The following TENT5D variants were observed in gnomAD, a reference collection of about 807,000 sequenced individuals.
The protein encoded by TENT5D is cancer/testis antigen 112.
For synonymous variants in TENT5D, 103 were observed against 100.6 expected (o/e 1.02, Z -0.15); for missense variants, 191 against 287.0 (o/e 0.67, Z 2.42).
chrX:80,393,229 CCAT>C (rs1931171291), intron 3 of TENT5D, among the ~76,000 whole-genome samples: 1 of 110,390 alleles, frequency 9.1e-6, no homozygotes, highest in Non-Finnish European at 1.9e-5. Context: ...AAATTATTGT[CCAT>C]CATCTCTCCA....
At chrX:80,438,844 G>A (rs1467353524) in intron 2 of TENT5D, 112 bp downstream of exon 2, 1 of 111,037 alleles carries the variant, frequency 9.0e-6, no homozygotes, top group Non-Finnish European at 1.9e-5. Context: ...GGAACATAGA[G>A]TTGTAATAGG....
intron 3 of TENT5D, among the ~76,000 whole-genome samples, chrX:80,398,899 C>A (rs372774589): frequency 9.0e-6 from 1 of 111,342 alleles, no homozygotes; most frequent in East Asian, 2.8e-4. Context: ...CCAAAGAAAA[C>A]CTGACCAAAA....
At chrX:80,393,106 C>G (rs1931168466) in intron 3 of TENT5D, among the ~76,000 whole-genome samples, 1 of 109,360 alleles carries the variant, frequency 9.1e-6, no homozygotes, top group Non-Finnish European at 1.9e-5. Flanking sequence ...TATTTGACAA[C>G]CAACTTGTTG....
In TENT5D at chrX:80,373,575, T is replaced by C. The variant is rs747477616; in HGVS notation, c.-142+31011T>C. Among the ~76,000 whole-genome samples, 3 of 111,420 alleles carry C rather than the reference T, an allele frequency of 2.7e-5. No homozygotes were observed. The East Asian group carries it at 8.5e-4, about 31-fold the overall frequency. ...TGGAGTGAACTCTGGAGAATCTTCT[T>C]ATAATAGATAAGGAAAATGAGGCAC... is the stretch of plus-strand genomic sequence containing the variant. On this transcript the variant is annotated intron_variant, in intron 3 of 4. Transcript: ENST00000538312.
chrX:80,405,054 A>G lies in TENT5D; in HGVS notation c.-141-33556A>G, dbSNP rs182974229. Among the ~76,000 whole-genome samples, 859 of 112,036 alleles carry G rather than the reference A, an allele frequency of 7.7e-3. 8 individuals carry two copies. The highest frequency in any genetic ancestry group is 0.026 in the African/African-American group (789 of 30,860). On this transcript the variant is annotated intron_variant, in intron 3 of 4. Coordinates refer to the TENT5D transcript ENST00000538312. The stretch of plus-strand genomic sequence containing the variant: ...CATTTTTAGCATCAGGCCACAAGAA[A>G]CAGAACCCGAGGGGAAAAAATTATA...
intron 3 of TENT5D, among the ~76,000 whole-genome samples, chrX:80,379,472 T>G (rs1168950782): frequency 9.0e-6 from 1 of 111,443 alleles, no homozygotes; most frequent in African/African-American, 3.3e-5. Context: ...TAAAATGAGT[T>G]AGGGAGGATT....
intron 3 of TENT5D, among the ~76,000 whole-genome samples, chrX:80,399,067 T>C (rs1470559498): frequency 8.9e-6 from 1 of 112,032 alleles, no homozygotes; most frequent in African/African-American, 3.2e-5. Flanking sequence ...AGGATGTCTC[T>C]TCATTTTGTT....
chrX:80,353,641 G>A (rs1930229200), intron 3 of TENT5D, among the ~76,000 whole-genome samples: 1 of 112,246 alleles, frequency 8.9e-6, no homozygotes, highest in African/African-American at 3.2e-5. Flanking sequence ...AGTATTCCAT[G>A]GTGTGTGTGT....
Position 80,379,878 on chromosome X carries a change from A to C in TENT5D, c.-142+37314A>C, listed in dbSNP as rs886426344. Among the ~76,000 whole-genome samples the C allele has an allele frequency of 3.9e-4, 42 of 108,954 alleles. 1 individual carries two copies. The highest frequency in any genetic ancestry group is 7.6e-5 in the Non-Finnish European group (4 of 52,576). The allele number at this position is 108,954 out of a possible 115,157, so 94.6% of individuals were successfully genotyped here. On this transcript the variant is annotated intron_variant, in intron 3 of 4. Transcript: ENST00000538312. ...TCTTTATTATTCTTGCTAGTGGCCTATACATTTTGTTGATCTTTTCAAAAA... is the reference window on the plus strand; with the variant it reads ...TCTTTATTATTCTTGCTAGTGGCCTCTACATTTTGTTGATCTTTTCAAAAA...
intron 3 of TENT5D, among the ~76,000 whole-genome samples, chrX:80,401,143 A>C (rs1199143965): frequency 9.0e-6 from 1 of 111,470 alleles, no homozygotes; most frequent in Non-Finnish European, 1.9e-5. Flanking sequence ...TGTTTGGTTA[A>C]ATTTATTTTA....
chrX:80,444,042 T>A, exon 3 of TENT5D: 1 of 181,086 alleles, frequency 5.5e-6, no homozygotes, highest in East Asian at 1.2e-4. Flanking sequence ...TAGAGATGCC[T>A]GCATCTTTGA....
chrX:80,426,601 A>G (rs187522211), intron 1 of TENT5D, among the ~76,000 whole-genome samples: 1 of 111,995 alleles, frequency 8.9e-6, no homozygotes, highest in Non-Finnish European at 1.9e-5. Context: ...AATTTAGTTA[A>G]CATGTATATA....
chrX:80,355,669 T>C (rs760562576), intron 3 of TENT5D, among the ~76,000 whole-genome samples: 1 of 111,889 alleles, frequency 8.9e-6, no homozygotes, highest in African/African-American at 3.2e-5. Flanking sequence ...CACTTACCTC[T>C]TTTCTAGAGC....
chrX:80,431,912 C>T (rs934351703), intron 1 of TENT5D, among the ~76,000 whole-genome samples: 1 of 111,349 alleles, frequency 9.0e-6, no homozygotes, highest in Admixed American at 9.6e-5. Flanking sequence ...GGGATAGTTG[C>T]TTGGGGAGAA....
chrX:80,394,127 T>C (rs1931191349), intron 3 of TENT5D, among the ~76,000 whole-genome samples: 1 of 111,510 alleles, frequency 9.0e-6, no homozygotes, highest in South Asian at 3.7e-4. Flanking sequence ...TTGAGGAACC[T>C]CAATACTGTT....
chrX:80,437,175 A>G (rs1239053076), intron 1 of TENT5D, among the ~76,000 whole-genome samples: 4 of 112,303 alleles, frequency 3.6e-5, no homozygotes, highest in Admixed American at 1.9e-4. Flanking sequence ...TAGTTAACTG[A>G]TATCACAACT....
At chrX:80,342,939 C>T (rs1929987918) in intron 3 of TENT5D, among the ~76,000 whole-genome samples, 1 of 100,754 alleles carries the variant, frequency 9.9e-6, no homozygotes, top group African/African-American at 3.7e-5. Flanking sequence ...TCTTATTAGT[C>T]TATCTTTATT....
chrX:80,361,510 A>G (rs920788192), intron 3 of TENT5D, among the ~76,000 whole-genome samples: 3 of 111,408 alleles, frequency 2.7e-5, no homozygotes, highest in Non-Finnish European at 5.7e-5. Flanking sequence ...TCTTTTTTTG[A>G]TATGTTTTTA....
chrX:80,336,151 C>G (rs1929845617), intron 2 of TENT5D, among the ~76,000 whole-genome samples: 1 of 111,255 alleles, frequency 9.0e-6, no homozygotes, highest in Admixed American at 9.6e-5. Flanking sequence ...TTAGTATATT[C>G]TCTTACTAAG....
Sources: gnomAD v4.1 joint callset for allele counts (sites outside exome capture counted in the v4.1 genomes callset) on GRCh38, gnomAD v4.1.1 for gene constraint, MANE v1.5 for transcripts, NCBI Gene and HGNC (gene_info 2026-07-23, HGNC 2026-07-21) for gene names.